The following CDK5RAP1 variants were observed in gnomAD, a reference collection of about 807,000 sequenced individuals.
CDK5RAP1 encodes CDK5RAP1 mitochondrial tRNA methylthiotransferase.
In CDK5RAP1, 62 loss-of-function variants were observed where a neutral mutation model predicts 64.5. That is an observed-to-expected ratio of 0.96 (90% CI 0.78 to 1.19). CDK5RAP1 has a LOEUF of 1.19. Among genes scored for constraint, CDK5RAP1 ranks in the 50% most tolerant of loss-of-function variants. CDK5RAP1 has a pLI of 0.00. For synonymous variants in CDK5RAP1, 250 were observed against 261.9 expected (o/e 0.95, Z 0.44); for missense variants, 657 against 735.0 (o/e 0.89, Z 1.23).
chr20:33,378,757 G>A (rs1012888453), intron 8 of CDK5RAP1, among the ~76,000 whole-genome samples: 3 of 152,124 alleles, frequency 2.0e-5, no homozygotes, highest in Non-Finnish European at 4.4e-5. Context: ...CCGGGTCTGA[G>A]GCGAAAGTCT....
At chr20:33,386,737 T>C (rs901727672) in intron 6 of CDK5RAP1, among the ~76,000 whole-genome samples, 3 of 145,996 alleles carry the variant, frequency 2.1e-5, no homozygotes, top group Non-Finnish European at 4.5e-5. Context: ...GAATATTATA[T>C]AGCCATTAAA....
At chr20:33,376,856 AAATGTCAACATTAATAGGAGTTTGG>A (rs1910444085) in intron 8 of CDK5RAP1, among the ~76,000 whole-genome samples, 1 of 152,172 alleles carries the variant, frequency 6.6e-6, no homozygotes, top group South Asian at 2.1e-4. Context: ...GAAGAGGTCG[AAATGTCAACATTAATAGGAGTTTGG>A]AAGATACTGA....
chr20:33,371,390 A>G (rs1455712049), intron 10 of CDK5RAP1, among the ~76,000 whole-genome samples: 1 of 152,210 alleles, frequency 6.6e-6, no homozygotes, highest in Non-Finnish European at 1.5e-5. Flanking sequence ...GAAGTCTCTT[A>G]TCTGCTATCA....
In CDK5RAP1 at chr20:33,379,553, G is replaced by A. The variant is rs267605888; in HGVS notation, c.1015C>T (p.Arg339Cys). The change falls in exon 8 of 14, where the codon CGT (arginine) becomes TGT (cysteine). Residue 339 changes from arginine to cysteine, a missense_variant. Physicochemically the swap from Arg to Cys is radical, Grantham distance 180. Coordinates refer to ENST00000346416, the MANE Select transcript of CDK5RAP1 (RefSeq NM_016408.4). ...ACCTGATCCAGAAGATGAGCAAAAC[G>A]AAGTCCTCCTTGCTTGGTTTTATAG... ...TNYKTKQGGL[R>C]FAHLLDQVSR... is the part of the protein sequence containing the mutation. 9 of 1,613,930 alleles carry A rather than the reference G, an allele frequency of 5.6e-6. No homozygotes were observed. In the East Asian group the frequency reaches 8.9e-5, roughly 16 times the overall value.
chr20:33,382,563 C>T (rs1986891347), intron 7 of CDK5RAP1, among the ~76,000 whole-genome samples: 1 of 152,088 alleles, frequency 6.6e-6, no homozygotes, highest in African/African-American at 2.4e-5. Flanking sequence ...TGCCTGTAGT[C>T]CCATTTACTC....
chr20:33,372,969 A>G, intron 9 of CDK5RAP1: 1 of 257,728 alleles, frequency 3.9e-6, no homozygotes, highest in Non-Finnish European at 7.3e-6. Flanking sequence ...CTGGAGTGCA[A>G]TGGCACAATC....
chr20:33,364,866 G>A (rs1449762844), intron 12 of CDK5RAP1, among the ~76,000 whole-genome samples: 2 of 150,820 alleles, frequency 1.3e-5, no homozygotes, highest in African/African-American at 4.9e-5. Context: ...GAGCCACCGT[G>A]ACCAGCCTCT....
At chr20:33,369,851 G>A (rs980583399) in intron 11 of CDK5RAP1, among the ~76,000 whole-genome samples, 1 of 152,160 alleles carries the variant, frequency 6.6e-6, no homozygotes, top group Non-Finnish European at 1.5e-5. Flanking sequence ...GAGCCCCCTG[G>A]CCACAGGGGG....
chr20:33,397,204 C>T, intron 1 of CDK5RAP1, 120 bp from the exon 2 acceptor site: 2 of 667,612 alleles, frequency 3.0e-6, no homozygotes, highest in Admixed American at 3.4e-5. Context: ...AGAAGGTACT[C>T]CTAATAATAT....
At position 33,374,133 on chromosome 20, in the gene CDK5RAP1, A is replaced by C; in HGVS notation, c.1187T>G (p.Leu396Trp). The stretch of plus-strand genomic sequence containing the variant: ...GCCTGACCCCCTCCGCATGGCCTCC[A>C]ACACACGGCTGCTTCCACTCTGGGC... ...LPAQSGSSRV[L>W]EAMRRGYSRE... Residue 396 changes from leucine (L) to tryptophan (W), a missense_variant, in exon 9 of 14, where the codon TTG becomes TGG. Coordinates refer to ENST00000346416, the MANE Select transcript of CDK5RAP1 (RefSeq NM_016408.4). 1 of 1,613,774 alleles carries C rather than the reference A, an allele frequency of 6.2e-7. No homozygotes were observed. Among genetic ancestry groups the C allele is most frequent in the Non-Finnish European group, 8.5e-7 (1 of 1,179,644 alleles).
intron 4 of CDK5RAP1, among the ~76,000 whole-genome samples, chr20:33,392,931 G>A (rs1055060125): frequency 1.3e-5 from 2 of 150,946 alleles, no homozygotes. Context: ...CCAGGCTGGA[G>A]TGCAACAGCG....
chr20:33,367,731 G>C (rs991516174), intron 11 of CDK5RAP1, among the ~76,000 whole-genome samples: 2 of 152,140 alleles, frequency 1.3e-5, no homozygotes, highest in Non-Finnish European at 2.9e-5. Flanking sequence ...AAAGAAAAAA[G>C]GGAATTTATC....
intron 1 of CDK5RAP1, among the ~76,000 whole-genome samples, chr20:33,399,331 C>A (rs945822234): frequency 1.8e-4 from 27 of 152,078 alleles, no homozygotes; most frequent in Non-Finnish European, 3.5e-4. Flanking sequence ...TGGTATTTAT[C>A]TTCTCTCTAG....
In CDK5RAP1 at chr20:33,392,174, C is replaced by T. The variant is rs748087095; in HGVS notation, c.512G>A (p.Arg171His). 7.4e-5 allele frequency: 120 copies of T among 1,613,320 alleles called. No homozygotes were observed. The highest frequency in any genetic ancestry group is 9.5e-5 in the Non-Finnish European group (112 of 1,179,386). ...TCCAATCCTCAGAGGAACCCGGGAGCGGGGCCGCCTTGTCTTCAAGGCTTT... is the reference window on the plus strand; with the variant it reads ...TCCAATCCTCAGAGGAACCCGGGAGTGGGGCCGCCTTGTCTTCAAGGCTTT... ...QLKALKTRRP[R>H]SRVPLRIGIL... is the part of the protein sequence containing the mutation. The change falls in exon 5 of 14, where the codon CGC becomes CAC. Residue 171 changes from arginine (R) to histidine (H), a missense_variant. Coordinates refer to ENST00000346416, the MANE Select transcript of CDK5RAP1 (RefSeq NM_016408.4).
intron 11 of CDK5RAP1, among the ~76,000 whole-genome samples, chr20:33,367,751 C>T (rs1381121026): frequency 6.6e-6 from 1 of 152,186 alleles, no homozygotes; most frequent in Non-Finnish European, 1.5e-5. Flanking sequence ...CCTTAAAACA[C>T]CTTTAAATCA....
rs1312015604 is a variant in CDK5RAP1 at position 33,385,729 on chromosome 20, A to G, written c.797T>C (p.Ile266Thr). The G allele has an allele frequency of 1.2e-6, 2 of 1,613,828 alleles. No homozygotes were observed. The highest frequency in any genetic ancestry group is 1.3e-5 in the African/African-American group (1 of 74,938). ...CTCCCTGCCCCGGGTGAAAGGAACA[A>G]TGCAGTAGCTACACATGTTGTCACA... Reference protein sequence around the residue: ...RGCDNMCSYCIVPFTRGRERS... With the variant: ...RGCDNMCSYCTVPFTRGRERS... The change falls in exon 7 of 14, where the codon ATT (isoleucine) becomes ACT (threonine). Residue 266 changes from isoleucine (I) to threonine (T), a missense_variant. By Grantham distance (89) the Ile-to-Thr change is moderately conservative. Transcript: ENST00000346416.
intron 12 of CDK5RAP1, among the ~76,000 whole-genome samples, chr20:33,364,487 C>T (rs563609063): frequency 6.6e-6 from 1 of 151,928 alleles, no homozygotes; most frequent in Non-Finnish European, 1.5e-5. Context: ...GCGCCTGGCC[C>T]GAAGAAGTAT....
In CDK5RAP1 at chr20:33,396,723, G is replaced by A. The variant is rs753663682; in HGVS notation, c.304+38C>T. ...TGCCAGGAATGACAGAGAGGAGCAAGGCAGGAAGCCCAAAGGGATAAGCGA... is the reference window on the plus strand; with the variant it reads ...TGCCAGGAATGACAGAGAGGAGCAAAGCAGGAAGCCCAAAGGGATAAGCGA... On this transcript the variant is annotated intron_variant, in intron 2 of 13. Coordinates refer to ENST00000346416, the MANE Select transcript of CDK5RAP1 (RefSeq NM_016408.4). 1.2e-5 allele frequency: 17 copies of A among 1,458,790 alleles called. No individual in the cohort carries two copies. In the Admixed American group the frequency reaches 2.8e-4, roughly 24 times the overall value. The allele number at this position is 1,458,790 out of a possible 1,614,324, so 90.4% of individuals were successfully genotyped here. A position where few individuals can be genotyped will look rare whatever the true frequency, so the allele number is the denominator to read the frequency against.
At chr20:33,371,211 T>C (rs983521844) in intron 10 of CDK5RAP1, among the ~76,000 whole-genome samples, 2 of 152,184 alleles carry the variant, frequency 1.3e-5, no homozygotes, top group East Asian at 1.9e-4. Flanking sequence ...GAGGATCACC[T>C]GAGCCCAGGG....
Sources: gnomAD v4.1 joint callset for allele counts (sites outside exome capture counted in the v4.1 genomes callset) on GRCh38, gnomAD v4.1.1 for gene constraint, MANE v1.5 for transcripts, NCBI Gene and HGNC (gene_info 2026-07-23, HGNC 2026-07-21) for gene names.